The following KIAA1549 variants were observed in gnomAD, a reference collection of about 807,000 sequenced individuals.
The protein encoded by KIAA1549 is KIAA1549.
A neutral mutation model predicts 156.4 loss-of-function variants in KIAA1549; 70 were observed. The ratio of observed to expected loss-of-function variants is 0.45; its 90% CI spans 0.37 to 0.55. KIAA1549 has a LOEUF of 0.55. KIAA1549 is among the 20% of genes least tolerant of loss of function. The pLI, the probability that KIAA1549 is intolerant of heterozygous loss-of-function variation, is 0.00. For synonymous variants in KIAA1549, 1,103 were observed against 1,066.4 expected, an observed-to-expected ratio of 1.03 and a Z score of -0.67; for missense variants, 2,428 against 2,540.9, an observed-to-expected ratio of 0.96 and a Z score of 0.96.
At chr7:138,948,481 G>A (rs995749684) in intron 1 of KIAA1549, among the ~76,000 whole-genome samples, 1 of 152,120 alleles carries the variant, frequency 6.6e-6, no homozygotes, top group African/African-American at 2.4e-5. Flanking sequence ...CTTGATTTTG[G>A]ACTTCTGGGC....
intron 1 of KIAA1549, among the ~76,000 whole-genome samples, chr7:138,979,705 TGAGACGG>T (rs1430718262): frequency 5.9e-5 from 9 of 152,238 alleles, no homozygotes; most frequent in Non-Finnish European, 1.2e-4. Flanking sequence ...GGAGCAGGAC[TGAGACGG>T]GAGGTCCTAG....
At chr7:138,904,621 CAAAA>C (rs768150554) in intron 7 of KIAA1549, among the ~76,000 whole-genome samples, 2 of 45,734 alleles carry the variant, frequency 4.4e-5, no homozygotes, top group Admixed American at 2.8e-4. Flanking sequence ...TCCCCTAAGA[CAAAA>C]AAAAAAAAAA....
intron 1 of KIAA1549, among the ~76,000 whole-genome samples, chr7:138,974,314 G>A (rs184825882): frequency 3.9e-5 from 6 of 152,114 alleles, no homozygotes; most frequent in East Asian, 1.9e-4. Context: ...GGAGGGTGGC[G>A]GTGGTCCTTG....
Position 138,917,192 on chromosome 7 carries a change from CAGG to C in KIAA1549, c.2431_2433del (p.Pro811del), listed in dbSNP as rs1563076294. 2 of 1,613,914 alleles carry C rather than the reference CAGG, an allele frequency of 1.2e-6. No individual in the cohort carries two copies. Among genetic ancestry groups the C allele is most frequent in the East Asian group, 2.2e-5 (1 of 44,876 alleles). On this transcript the variant is annotated inframe_deletion, in exon 2 of 20. Transcript: ENST00000422774. ...CCGTCTAGAGCACTGATTTGGTCGT[CAGG>C]AGGTGTCAGAGTTGAGAACAAAGAA...
rs144206467 is a variant in KIAA1549 at position 138,878,161 on chromosome 7, G to C, written c.4345+1377C>G. On this transcript the variant is annotated intron_variant, in intron 12 of 19. Transcript: ENST00000422774. The stretch of plus-strand genomic sequence containing the variant: ...AGGGGATGTCCTTAACATTACAAAA[G>C]AACCAAGTGGAAGGAGCTGGAAGGA... 8.7e-3 allele frequency among the ~76,000 whole-genome samples: 1,327 copies of C among 152,256 alleles called. 18 individuals carry two copies. The highest frequency in any genetic ancestry group is 0.03 in the African/African-American group (1,244 of 41,536).
rs139412672 is a variant in KIAA1549 at position 138,881,433 on chromosome 7, C to T, written c.4184G>A (p.Ser1395Asn). The T allele has an allele frequency of 1.5e-4, 235 of 1,614,030 alleles. 1 individual carries two copies. The African/African-American group carries it at 2.9e-3, about 20-fold the overall frequency. Residue 1395 changes from serine to asparagine, a missense_variant, in exon 11 of 20, where the codon AGC becomes AAC. Physicochemically the swap from Ser to Asn is conservative, Grantham distance 46 (BLOSUM62 1). This residue lies in a region of KIAA1549 where 404 missense variants were observed against 417.0 expected (regional missense o/e 0.97). Coordinates refer to ENST00000422774, the MANE Select transcript of KIAA1549 (RefSeq NM_001164665.2). ...TTPSENGDVP[S>N]PKSKIPSKNV... ...CTTGGAAGGGATCTTTGACTTGGGG[C>T]TTGGCACGTCTCCATTTTCCGAGGG... is the stretch of plus-strand genomic sequence containing the variant.
At chr7:138,887,313 A>G (rs1811421538) in intron 10 of KIAA1549, among the ~76,000 whole-genome samples, 1 of 152,222 alleles carries the variant, frequency 6.6e-6, no homozygotes, top group African/African-American at 2.4e-5. Context: ...ATTCATCATT[A>G]GATGTTTCTT....
chr7:138,955,634 T>C (rs927038501), intron 1 of KIAA1549, among the ~76,000 whole-genome samples: 2 of 152,200 alleles, frequency 1.3e-5, no homozygotes, highest in African/African-American at 4.8e-5. Context: ...GCAAATTGTA[T>C]ACATAGCATG....
chr7:138,884,688 C>T (rs571841113), intron 10 of KIAA1549, among the ~76,000 whole-genome samples: 4 of 152,326 alleles, frequency 2.6e-5, no homozygotes, highest in Admixed American at 2.6e-4. Flanking sequence ...CATCACATGG[C>T]AGACAGCAGA....
chr7:138,920,466 G>GATGA (rs71169064), intron 1 of KIAA1549, among the ~76,000 whole-genome samples: 26,276 of 151,600 alleles, frequency 0.17, 2,869 homozygotes, highest in African/African-American at 0.3. Flanking sequence ...CACTTGGATT[G>GATGA]ATGAATGAAT....
At chr7:138,894,893 C>T (rs112862794) in intron 9 of KIAA1549, among the ~76,000 whole-genome samples, 192 of 152,318 alleles carry the variant, frequency 1.3e-3, no homozygotes, top group African/African-American at 4.4e-3. Context: ...TGTACAAAGG[C>T]AGTTCTCTTC....
intron 14 of KIAA1549, among the ~76,000 whole-genome samples, chr7:138,868,561 G>T (rs986419669): frequency 6.6e-6 from 1 of 152,168 alleles, no homozygotes; most frequent in Non-Finnish European, 1.5e-5. Context: ...CTGAGTAGCT[G>T]GGATTACAGG....
chr7:138,975,966 C>A (rs183393957), intron 1 of KIAA1549, among the ~76,000 whole-genome samples: 21 of 152,360 alleles, frequency 1.4e-4, no homozygotes, highest in African/African-American at 4.6e-4. Context: ...CCCAAACGGG[C>A]AGGAGTGAGC....
chr7:138,934,354 G>A (rs1236925642), intron 1 of KIAA1549, among the ~76,000 whole-genome samples: 7 of 149,114 alleles, frequency 4.7e-5, no homozygotes. Context: ...TTACTTGTGA[G>A]AATTGGTGGG....
chr7:138,957,409 C>T (rs12707429), intron 1 of KIAA1549, among the ~76,000 whole-genome samples: 61,897 of 150,332 alleles, frequency 0.41, 15,573 homozygotes, highest in African/African-American at 0.72. Context: ...AATCTTGGCC[C>T]ACTATCTTCT....
Position 138,917,527 on chromosome 7 carries a change from G to A in KIAA1549, c.2099C>T (p.Ser700Phe). 1 of 1,613,786 alleles carries A rather than the reference G, an allele frequency of 6.2e-7. No individual in the cohort carries two copies. Among genetic ancestry groups the A allele is most frequent in the South Asian group, 1.1e-5 (1 of 91,066 alleles). ...CATGATGGTGTTTAAAGGCAGCTCG[G>A]AACTTGGCTGGAGCTGCGAAAACTC... ...NLEFSQLQPS[S>F]ELPLNTIMLL... Residue 700 changes from serine (S) to phenylalanine (F), a missense_variant, in exon 2 of 20, where the codon TCC (serine) becomes TTC (phenylalanine). Ser to Phe is a radical substitution (Grantham distance 155, BLOSUM62 -2). Coordinates refer to ENST00000422774, the MANE Select transcript of KIAA1549 (RefSeq NM_001164665.2).
chr7:138,864,072 T>C lies in KIAA1549; in HGVS notation c.4930-2616A>G, dbSNP rs12667759. Among the ~76,000 whole-genome samples the C allele has an allele frequency of 4.3e-3, 656 of 152,230 alleles. 38 individuals carry two copies. The East Asian group carries it at 0.1, about 24-fold the overall frequency. On this transcript the variant is annotated intron_variant, in intron 15 of 19. Transcript: ENST00000422774. The stretch of plus-strand genomic sequence containing the variant: ...ACGGGTGGAAAGAAGGGAGGGTGTG[T>C]CTGGAAGAACAGCCCACTGGTAAAA...
Position 138,917,117 on chromosome 7 carries a change from C to A in KIAA1549, c.2509G>T (p.Val837Leu). Residue 837 changes from valine (V) to leucine (L), a missense_variant, in exon 2 of 20, where the codon GTG (valine) becomes TTG (leucine). Coordinates refer to ENST00000422774, the MANE Select transcript of KIAA1549 (RefSeq NM_001164665.2). Reference protein sequence around the residue: ...SFSKAIPTGTVLITDAYLPSG... With the variant: ...SFSKAIPTGTLLITDAYLPSG... The stretch of plus-strand genomic sequence containing the variant: ...GGCAGGTACGCGTCAGTGATCAACA[C>A]CGTACCAGTGGGAATGGCTTTGGAG... 6.2e-7 allele frequency: 1 copy of A among 1,612,402 alleles called. No homozygotes were observed. The highest frequency in any genetic ancestry group is 8.5e-7 in the Non-Finnish European group (1 of 1,179,244).
chr7:138,845,513 T>C (rs1208742507), intron 17 of KIAA1549, among the ~76,000 whole-genome samples: 3 of 152,238 alleles, frequency 2.0e-5, no homozygotes, highest in African/African-American at 7.2e-5. Context: ...GAATCTGAAA[T>C]GATACTGGTG....
Sources: allele counts gnomAD v4.1 joint callset (sites outside exome capture counted in the v4.1 genomes callset), GRCh38; gene constraint gnomAD v4.1.1; regional missense constraint gnomAD v4.1.1; transcripts MANE v1.5; gene names NCBI Gene and HGNC (gene_info 2026-07-23, HGNC 2026-07-21).